The following EIPR1 variants were observed in gnomAD, a reference collection of about 807,000 sequenced individuals.
EIPR1 encodes EARP and GARP complex-interacting protein 1.
Under a neutral mutation model 48.1 loss-of-function variants are expected in EIPR1, and 25 were observed. That is an observed-to-expected ratio of 0.52 (90% CI 0.38 to 0.73). The LOEUF (loss-of-function observed/expected upper bound fraction) is 0.73, where lower values mean the gene tolerates loss of function less well. EIPR1 is among the 30% of genes least tolerant of loss of function. EIPR1 has a pLI of 0.00. For missense variants in EIPR1, 415 were observed against 506.2 expected, an observed-to-expected ratio of 0.82 and a Z score of 1.73; for synonymous variants, 204 against 201.9, an observed-to-expected ratio of 1.01 and a Z score of -0.09.
intron 5 of EIPR1, among the ~76,000 whole-genome samples, chr2:3,202,604 G>A (rs954789566): frequency 8.5e-5 from 13 of 152,118 alleles, no homozygotes; most frequent in Admixed American, 2.0e-4. Flanking sequence ...TTGATGACTC[G>A]TGTGTGCGAA....
chr2:3,240,684 T>C (rs1666584434), intron 4 of EIPR1, among the ~76,000 whole-genome samples: 1 of 14,376 alleles, frequency 7.0e-5, no homozygotes, highest in Non-Finnish European at 2.2e-4. Flanking sequence ...AGTGAGCAGG[T>C]CCCTCCTAAA....
At chr2:3,346,631 T>C (rs925086464) in intron 2 of EIPR1, among the ~76,000 whole-genome samples, 1 of 152,110 alleles carries the variant, frequency 6.6e-6, no homozygotes. Flanking sequence ...AGGAATCCTA[T>C]AACATGAAGA....
At chr2:3,295,278 T>C (rs1192031737) in intron 3 of EIPR1, among the ~76,000 whole-genome samples, 1 of 69,278 alleles carries the variant, frequency 1.4e-5, no homozygotes, top group Admixed American at 1.5e-4. Context: ...ACACACACCC[T>C]CCATCCAGCC....
chr2:3,358,097 C>A (rs1439234157), intron 1 of EIPR1, among the ~76,000 whole-genome samples: 3 of 152,128 alleles, frequency 2.0e-5, no homozygotes, highest in Non-Finnish European at 2.9e-5. Flanking sequence ...CCTTCCCATA[C>A]GGAGCTCCGA....
intron 3 of EIPR1, among the ~76,000 whole-genome samples, chr2:3,285,125 G>C (rs114265973): frequency 1.3e-5 from 2 of 152,148 alleles, no homozygotes; most frequent in African/African-American, 4.8e-5. Context: ...AGGGCAGGCC[G>C]GACAGTCCCC....
At chr2:3,201,224 C>T (rs1350836107) in intron 5 of EIPR1, among the ~76,000 whole-genome samples, 1 of 152,206 alleles carries the variant, frequency 6.6e-6, no homozygotes, top group African/African-American at 2.4e-5. Flanking sequence ...GGCCTGACAT[C>T]CCCCTGATCA....
At chr2:3,258,502 A>AT (rs1430768548) in intron 3 of EIPR1, among the ~76,000 whole-genome samples, 1 of 102,286 alleles carries the variant, frequency 9.8e-6, no homozygotes. Context: ...GCGTTAGAAC[A>AT]TAAAAAAACA....
At chr2:3,367,907 C>T (rs983405318) in intron 1 of EIPR1, among the ~76,000 whole-genome samples, 2 of 151,860 alleles carry the variant, frequency 1.3e-5, no homozygotes, top group South Asian at 4.2e-4. Flanking sequence ...TAGCCAGGCG[C>T]GGTGGCAGGC....
chr2:3,268,143 T>C (rs557659571), intron 3 of EIPR1, among the ~76,000 whole-genome samples: 2 of 152,248 alleles, frequency 1.3e-5, no homozygotes, highest in South Asian at 2.1e-4. Context: ...AGCCTGGTGA[T>C]AGCCTTTCCA....
Position 3,269,458 on chromosome 2 carries a change from CCACACTCAGTCAT to C in EIPR1, c.260-12016_260-12004del, listed in dbSNP as rs1667616594. ...CAATCATCACCACACTCAATCATCA[CCACACTCAGTCAT>C]CGCACTCAGTCATCGCACTCAATCA... On this transcript the variant is annotated intron_variant, in intron 3 of 8. Coordinates refer to ENST00000382125, the MANE Select transcript of EIPR1 (RefSeq NM_003310.5). Among the ~76,000 whole-genome samples the C allele has an allele frequency of 2.0e-4, 2 of 10,250 alleles. 1 individual carries two copies. The highest frequency in any genetic ancestry group is 5.3e-4 in the African/African-American group (2 of 3,808). The allele number at this position is 10,250 out of a possible 152,430, so 6.7% of individuals were successfully genotyped here.
chr2:3,239,945 G>A (rs978513243), intron 4 of EIPR1, among the ~76,000 whole-genome samples: 3 of 152,238 alleles, frequency 2.0e-5, no homozygotes, highest in Admixed American at 6.5e-5. Flanking sequence ...ACTGGGCAAA[G>A]CCAGCAGACC....
Position 3,189,085 on chromosome 2 carries a change from C to T in EIPR1, c.*249G>A. On this transcript the variant is annotated 3_prime_UTR_variant, in exon 9 of 9. Transcript: ENST00000382125. This position sits in a 1 kb window ranked among gnomAD's most constrained non-coding sequence, Gnocchi z 4.6. ...CTCCTGACACCCTTAAAACAGAAAA[C>T]ATTGTTATTCACATAATAATGTGGG... The T allele has an allele frequency of 2.7e-6, 1 of 374,546 alleles. No individual in the cohort carries two copies. Among genetic ancestry groups the T allele is most frequent in the Non-Finnish European group, 4.7e-6 (1 of 211,110 alleles). 23.2% of individuals were successfully genotyped at this position (374,546 alleles called of 1,614,324 possible). A position where few individuals can be genotyped will look rare whatever the true frequency, so the allele number is the denominator to read the frequency against.
At chr2:3,285,597 G>C (rs1449989311) in intron 3 of EIPR1, among the ~76,000 whole-genome samples, 4 of 152,248 alleles carry the variant, frequency 2.6e-5, no homozygotes, top group African/African-American at 9.6e-5. Context: ...AGGAGGCACT[G>C]GTGGAGCCTC....
intron 4 of EIPR1, among the ~76,000 whole-genome samples, chr2:3,239,461 T>C (rs757262465): frequency 6.6e-6 from 1 of 152,214 alleles, no homozygotes; most frequent in Non-Finnish European, 1.5e-5. Flanking sequence ...GGAGGCTCAG[T>C]GTGCCGGCAG....
intron 3 of EIPR1, among the ~76,000 whole-genome samples, chr2:3,294,173 A>G (rs1232476596): frequency 4.6e-5 from 7 of 152,116 alleles, no homozygotes; most frequent in Admixed American, 3.9e-4. Context: ...AGGAATAATT[A>G]TAACCATGTG....
At chr2:3,298,697 A>G (rs926489994) in intron 3 of EIPR1, among the ~76,000 whole-genome samples, 2 of 151,958 alleles carry the variant, frequency 1.3e-5, no homozygotes, top group Non-Finnish European at 2.9e-5. Flanking sequence ...TGCTCCACAC[A>G]AGGATTGACA....
At chr2:3,235,440 G>A (rs971138741) in intron 4 of EIPR1, among the ~76,000 whole-genome samples, 33 of 54,374 alleles carry the variant, frequency 6.1e-4, no homozygotes, top group Non-Finnish European at 8.6e-4. Flanking sequence ...ACACACACAC[G>A]CGTGCGCGCA....
intron 4 of EIPR1, among the ~76,000 whole-genome samples, chr2:3,247,386 T>C (rs1473543284): frequency 6.6e-6 from 1 of 152,168 alleles, no homozygotes; most frequent in Non-Finnish European, 1.5e-5. Flanking sequence ...CAAAGGGCGA[T>C]GGAAAACCAT....
chr2:3,341,151 A>T (rs986653396), intron 2 of EIPR1, among the ~76,000 whole-genome samples: 22 of 151,656 alleles, frequency 1.5e-4, no homozygotes, highest in African/African-American at 4.4e-4. Context: ...GAATGGGTAA[A>T]TCAGTTGTGG....
Sources: allele counts gnomAD v4.1 joint callset (sites outside exome capture counted in the v4.1 genomes callset), GRCh38; gene constraint gnomAD v4.1.1; non-coding constraint Gnocchi (gnomAD v3.1); transcripts MANE v1.5; gene names NCBI Gene and HGNC (gene_info 2026-07-23, HGNC 2026-07-21).